The following MGAT4A variants were observed in gnomAD, a reference collection of about 807,000 sequenced individuals.
MGAT4A encodes N-acetylglucosaminyltransferase IVa.
A neutral mutation model predicts 74.1 loss-of-function variants in MGAT4A; 33 were observed. The observed-to-expected ratio is 0.45, with a 90% confidence interval of 0.34 to 0.60. The LOEUF (loss-of-function observed/expected upper bound fraction) is 0.60. MGAT4A is among the 20% of genes least tolerant of loss of function. The probability of loss-of-function intolerance (pLI) is 0.02; values close to 1 mark genes in which losing one functional copy is unlikely to be tolerated. For missense variants in MGAT4A, 479 were observed against 628.3 expected, an observed-to-expected ratio of 0.76 and a Z score of 2.54; for synonymous variants, 198 against 210.4, an observed-to-expected ratio of 0.94 and a Z score of 0.51.
intron 5 of MGAT4A, among the ~76,000 whole-genome samples, chr2:98,660,244 G>T (rs1215943861): frequency 4.4e-5 from 2 of 45,110 alleles, no homozygotes; most frequent in Non-Finnish European, 7.2e-5. Flanking sequence ...CAAATAAATA[G>T]ATATCTTTGC....
chr2:98,709,075 A>G (rs1055618959), intron 2 of MGAT4A, among the ~76,000 whole-genome samples: 1 of 152,192 alleles, frequency 6.6e-6, no homozygotes, highest in East Asian at 1.9e-4. Flanking sequence ...CTTTCTAGTC[A>G]TCTCATATAG....
At chr2:98,699,696 A>T (rs903432304) in intron 2 of MGAT4A, among the ~76,000 whole-genome samples, 2 of 152,162 alleles carry the variant, frequency 1.3e-5, no homozygotes, top group Non-Finnish European at 2.9e-5. Context: ...GACCCACTAC[A>T]ATTCATGGTA....
intron 2 of MGAT4A, among the ~76,000 whole-genome samples, chr2:98,703,212 T>C (rs1015449580): frequency 6.6e-6 from 1 of 152,120 alleles, no homozygotes; most frequent in Admixed American, 6.5e-5. Flanking sequence ...ACAGGAAATA[T>C]AAAACAAAAT....
At chr2:98,667,681 TA>T (rs1231729469) in intron 4 of MGAT4A, among the ~76,000 whole-genome samples, 1 of 151,568 alleles carries the variant, frequency 6.6e-6, no homozygotes, top group African/African-American at 2.4e-5. Flanking sequence ...TGGGTGCTGT[TA>T]AAGGCATTCA....
At chr2:98,700,504 T>C (rs1378270444) in intron 2 of MGAT4A, among the ~76,000 whole-genome samples, 1 of 151,990 alleles carries the variant, frequency 6.6e-6, no homozygotes, top group Non-Finnish European at 1.5e-5. Flanking sequence ...CAAAGACCTT[T>C]TGTTTATGTG....
chr2:98,621,573 T>C lies in MGAT4A; in HGVS notation c.*3993A>G, dbSNP rs1701061112. ...GTCTTCCTTTTGCTACATAACATGA[T>C]ATAATCATGGATCAAACAGGTTCCA... On this transcript the variant is annotated 3_prime_UTR_variant, in exon 16 of 16. Coordinates refer to ENST00000393487, the MANE Select transcript of MGAT4A (RefSeq NM_012214.3). 1 of 1,547,442 alleles carries C rather than the reference T, an allele frequency of 6.5e-7. No individual in the cohort carries two copies. Among genetic ancestry groups the C allele is most frequent in the Non-Finnish European group, 8.7e-7 (1 of 1,144,600 alleles).
intron 6 of MGAT4A, among the ~76,000 whole-genome samples, chr2:98,657,719 T>C (rs1575254554): frequency 6.6e-6 from 1 of 152,250 alleles, no homozygotes; most frequent in South Asian, 2.1e-4. Context: ...GGCAATATTA[T>C]AAAAAATAAT....
At chr2:98,717,244 T>A (rs1053795588) in intron 2 of MGAT4A, among the ~76,000 whole-genome samples, 11 of 151,822 alleles carry the variant, frequency 7.2e-5, no homozygotes, top group African/African-American at 2.4e-4. Context: ...CCAGGCATAG[T>A]AGAGGGCACC....
chr2:98,711,115 G>A (rs1702512286), intron 2 of MGAT4A, among the ~76,000 whole-genome samples: 2 of 152,216 alleles, frequency 1.3e-5, no homozygotes, highest in South Asian at 4.1e-4. Flanking sequence ...AAATGCTTAA[G>A]TTTGCAATCT....
chr2:98,664,803 T>A (rs1044875624), intron 4 of MGAT4A, among the ~76,000 whole-genome samples: 1 of 152,222 alleles, frequency 6.6e-6, no homozygotes, highest in Non-Finnish European at 1.5e-5. Flanking sequence ...AGTGTTGTGA[T>A]CCTAACCCCC....
chr2:98,623,675 G>C lies in MGAT4A; in HGVS notation c.*1891C>G. The C allele has an allele frequency of 1.0e-6, 1 of 985,382 alleles. No homozygotes were observed. Among genetic ancestry groups the C allele is most frequent in the Non-Finnish European group, 1.2e-6 (1 of 829,884 alleles). 61.0% of individuals were successfully genotyped at this position (985,382 alleles called of 1,614,324 possible). On this transcript the variant is annotated 3_prime_UTR_variant, in exon 16 of 16. Transcript: ENST00000393487. ...ACATAAAAATCATTTTTGGCAATGT[G>C]ATTGACTTTTCAATCAAGAAAAGTA...
rs533664445 is a variant in MGAT4A, at chr2:98,681,108, G to A, written c.95-2637C>T. On this transcript the variant is annotated intron_variant, in intron 2 of 15. Coordinates refer to ENST00000393487, the MANE Select transcript of MGAT4A (RefSeq NM_012214.3). The stretch of plus-strand genomic sequence containing the variant: ...CACCATTCTCCTGCCTCAGCCTCCC[G>A]AGTAGCTGGGACTACAGGCGCCCGC... 5.3e-3 allele frequency among the ~76,000 whole-genome samples: 803 copies of A among 152,062 alleles called. 6 individuals carry two copies. The highest frequency in any genetic ancestry group is 0.018 in the African/African-American group (759 of 41,474).
At chr2:98,698,232 C>T (rs566004280) in intron 2 of MGAT4A, among the ~76,000 whole-genome samples, 1 of 151,924 alleles carries the variant, frequency 6.6e-6, no homozygotes, top group African/African-American at 2.4e-5. Context: ...CTGGCCAACA[C>T]GGTGAAAACC....
At chr2:98,680,040 C>T (rs1247028869) in intron 2 of MGAT4A, among the ~76,000 whole-genome samples, 8 of 131,040 alleles carry the variant, frequency 6.1e-5, no homozygotes, top group Admixed American at 8.0e-5. Context: ...CTTAGAAAGG[C>T]TTTTTTTTTT....
At chr2:98,643,472 G>A (rs948221273) in intron 10 of MGAT4A, among the ~76,000 whole-genome samples, 1 of 152,148 alleles carries the variant, frequency 6.6e-6, no homozygotes, top group African/African-American at 2.4e-5. Flanking sequence ...CACGCTGAAA[G>A]GTACTTTAAC....
chr2:98,717,146 G>A (rs574021722), intron 2 of MGAT4A, among the ~76,000 whole-genome samples: 6 of 152,230 alleles, frequency 3.9e-5, no homozygotes, highest in South Asian at 4.1e-4. Flanking sequence ...TTGGGAAGCC[G>A]AGGCGGGCAG....
Position 98,731,111 on chromosome 2 carries a change from T to TGCCGCCGCC in MGAT4A, c.-308_-300dup, listed in dbSNP as rs1231399189. 1 of 68,176 alleles carries TGCCGCCGCC rather than the reference T, an allele frequency of 1.5e-5. No homozygotes were observed. Among genetic ancestry groups the TGCCGCCGCC allele is most frequent in the Non-Finnish European group, 2.5e-5 (1 of 40,444 alleles). 4.2% of individuals were successfully genotyped at this position (68,176 alleles called of 1,614,324 possible). A position where few individuals can be genotyped will look rare whatever the true frequency, so the allele number is the denominator to read the frequency against. On this transcript the variant is annotated 5_prime_UTR_variant, in exon 1 of 16. Coordinates refer to ENST00000393487, the MANE Select transcript of MGAT4A (RefSeq NM_012214.3). This position sits in a 1 kb window ranked among gnomAD's most constrained non-coding sequence, Gnocchi z 4.8. ...GAGCTGCTGTAGCCGCCGCCGCCGC[T>TGCCGCCGCC]GCCGCCGCCGCTGCGGGCCGCCCCG...
chr2:98,718,375 T>G (rs1298336655), intron 2 of MGAT4A, among the ~76,000 whole-genome samples: 2 of 152,198 alleles, frequency 1.3e-5, no homozygotes, highest in African/African-American at 4.8e-5. Flanking sequence ...CCCTGTGAAG[T>G]GAAACTAGTG....
At chr2:98,663,485 A>C in intron 4 of MGAT4A, 3 of 1,397,114 alleles carry the variant, frequency 2.1e-6, no homozygotes, top group Non-Finnish European at 2.8e-6. Context: ...AAACTTAAAA[A>C]CACTAAACAT....
Sources: gnomAD v4.1 joint callset for allele counts (sites outside exome capture counted in the v4.1 genomes callset) on GRCh38, gnomAD v4.1.1 for gene constraint, Gnocchi (gnomAD v3.1) non-coding constraint, MANE v1.5 for transcripts, NCBI Gene and HGNC (gene_info 2026-07-23, HGNC 2026-07-21) for gene names.